CABP1: variants seen among roughly 807,000 people sequenced by gnomAD.
CABP1 encodes the protein calcium binding protein 1.
A neutral mutation model predicts 34.3 loss-of-function variants in CABP1; 17 were observed. The observed-to-expected ratio is 0.50, with a 90% CI of 0.34 to 0.74. CABP1 has a LOEUF of 0.74. Among genes scored for constraint, CABP1 ranks in the 30% least tolerant of loss-of-function variants. The probability of loss-of-function intolerance (pLI) is 0.01; values close to 1 mark genes in which losing one functional copy is unlikely to be tolerated. For missense variants in CABP1, 373 were observed against 511.1 expected (o/e 0.73, Z 2.61); for synonymous variants, 198 against 229.2 (o/e 0.86, Z 1.23).
At chr12:120,657,818 C>T (rs1880337573) in intron 1 of CABP1, among the ~76,000 whole-genome samples, 1 of 152,168 alleles carries the variant, frequency 6.6e-6, no homozygotes, top group Non-Finnish European at 1.5e-5. Flanking sequence ...GCCTGTTCCT[C>T]CCGAGTCCTG....
At position 120,659,432 on chromosome 12, in the gene CABP1, T is replaced by A. The variant is rs77696527; in HGVS notation, c.655-446T>A. The A allele has an allele frequency of 9.3e-3, 1,474 of 157,720 alleles. 32 individuals are homozygous for A. The highest frequency in any genetic ancestry group is 0.033 in the African/African-American group (1,368 of 41,606). The allele number at this position is 157,720 out of a possible 1,614,324, so 9.8% of individuals were successfully genotyped here. A position where few individuals can be genotyped will look rare whatever the true frequency, so the allele number is the denominator to read the frequency against. On this transcript the variant is annotated intron_variant, in intron 1 of 5. Coordinates refer to ENST00000316803, the MANE Select transcript of CABP1 (RefSeq NM_001033677.2). ...TTTCCCTGTTGTGACCTCCCTGGAC[T>A]CTGTTTTATTTGCAGGTTTTTGCCA...
At chr12:120,670,623 C>T (rs372588292), downstream of CABP1, among the ~76,000 whole-genome samples, 14 of 152,290 alleles carry the variant, frequency 9.2e-5, no homozygotes, top group East Asian at 2.7e-3. Context: ...CAGTTCATGC[C>T]TGTAATCCCA....
chr12:120,659,810 C>G (rs1880508792), intron 1 of CABP1, 68 bp from the exon 2 acceptor site: 1 of 1,519,790 alleles, frequency 6.6e-7, no homozygotes, highest in Admixed American at 1.7e-5. Flanking sequence ...TGGATGGCCC[C>G]CAGGTTAGGT....
At chr12:120,671,036 A>C (rs1365574881), downstream of CABP1, among the ~76,000 whole-genome samples, 1 of 152,156 alleles carries the variant, frequency 6.6e-6, no homozygotes, top group East Asian at 1.9e-4. Flanking sequence ...GGTACATAAA[A>C]GGCACCCGAT....
At position 120,660,668 on chromosome 12, in the gene CABP1, T is replaced by C. The variant is rs1880568054; in HGVS notation, c.830-63T>C. ...AGGAGGGGTTGTCCATTCTGTCAGT[T>C]GTCTAGTTGGAGACAGGGAATGGGT... On this transcript the variant is annotated intron_variant, in intron 3 of 5. Transcript: ENST00000316803. The surrounding 1 kb of genome is among the most constrained non-coding windows in gnomAD (Gnocchi z 5.0). 9.0e-7 allele frequency: 1 copy of C among 1,111,628 alleles called. No homozygotes were observed. The allele number at this position is 1,111,628 out of a possible 1,614,324, so 68.9% of individuals were successfully genotyped here. A position where few individuals can be genotyped will look rare whatever the true frequency, so the allele number is the denominator to read the frequency against.
chr12:120,666,390 C>T (rs1419963385), intron 5 of CABP1, among the ~76,000 whole-genome samples: 2 of 147,954 alleles, frequency 1.4e-5, no homozygotes, highest in Admixed American at 1.4e-4. Flanking sequence ...AGGAGAATCG[C>T]TTGAACCCAG....
In CABP1 at chr12:120,641,247, CG is replaced by C. The variant is rs1380312744; in HGVS notation, c.566del (p.Gly189AlafsTer87). Reference protein sequence around the residue: ...ALGLRGSLRARGRGDSVPAAA... With the variant: ...ALGLRGSLRAXGRGDSVPAAA... ...CGGCCTCCGGGGCTCTCTGCGAGCCCGGGGCCGCGGGGACTCCGTTCCAGCC... is the reference window on the plus strand; with the variant it reads ...CGGCCTCCGGGGCTCTCTGCGAGCCCGGGCCGCGGGGACTCCGTTCCAGCC... On this transcript the variant is annotated frameshift_variant, in exon 1 of 6. Transcript: ENST00000316803. LOFTEE classifies it high-confidence loss of function. The surrounding 1 kb of genome is among the most constrained non-coding windows in gnomAD (Gnocchi z 6.7). The C allele has an allele frequency of 4.7e-6, 6 of 1,287,432 alleles. No homozygotes were observed. In the South Asian group the frequency reaches 7.5e-5, roughly 16 times the overall value. The allele number at this position is 1,287,432 out of a possible 1,614,324, so 79.8% of individuals were successfully genotyped here.
intron 1 of CABP1, among the ~76,000 whole-genome samples, chr12:120,654,090 G>C (rs1294473633): frequency 6.6e-6 from 1 of 152,220 alleles, no homozygotes; most frequent in Non-Finnish European, 1.5e-5. Context: ...AAGTCTGAGT[G>C]AGTGAAGCCG....
intron 1 of CABP1, among the ~76,000 whole-genome samples, chr12:120,657,762 T>C (rs1260547782): frequency 1.3e-5 from 2 of 152,134 alleles, no homozygotes; most frequent in African/African-American, 4.8e-5. Flanking sequence ...CCCCGGGGCT[T>C]TGGGTGTACA....
Position 120,640,783 on chromosome 12 carries a change from T to G in CABP1, c.98T>G (p.Leu33Arg). The G allele has an allele frequency of 1.8e-6, 2 of 1,129,176 alleles. No homozygotes were observed. The allele number at this position is 1,129,176 out of a possible 1,614,324, so 69.9% of individuals were successfully genotyped here. A position where few individuals can be genotyped will look rare whatever the true frequency, so the allele number is the denominator to read the frequency against. The change falls in exon 1 of 6, where the codon CTG becomes CGG. Residue 33 changes from leucine (L) to arginine (R), a missense_variant. By Grantham distance (102) the Leu-to-Arg change is moderately radical. Coordinates refer to ENST00000316803, the MANE Select transcript of CABP1 (RefSeq NM_001033677.2). The surrounding 1 kb of genome is among the most constrained non-coding windows in gnomAD (Gnocchi z 6.2). Reference protein sequence around the residue: ...GLGSRREPRSLPAGGPAPRRT... With the variant: ...GLGSRREPRSRPAGGPAPRRT... ...GGCTCCCGCCGGGAGCCCCGTTCTC[T>G]GCCCGCCGGGGGCCCCGCGCCGCGC... is the stretch of plus-strand genomic sequence containing the variant.
Position 120,656,080 on chromosome 12 carries a change from G to A in CABP1, c.655-3798G>A, listed in dbSNP as rs368608595. ...CCTGCCTCTCTTTTGCATTTGCTTGGTGCTGGCTGAAGATGTGCCAGGAGG... is the reference window on the plus strand; with the variant it reads ...CCTGCCTCTCTTTTGCATTTGCTTGATGCTGGCTGAAGATGTGCCAGGAGG... On this transcript the variant is annotated intron_variant, in intron 1 of 5. Coordinates refer to ENST00000316803, the MANE Select transcript of CABP1 (RefSeq NM_001033677.2). The A allele has an allele frequency of 8.1e-6, 13 of 1,614,144 alleles. No individual in the cohort carries two copies. In the African/African-American group the frequency reaches 1.3e-4, roughly 17 times the overall value.
At chr12:120,674,021 TA>T in the CABP1 span, among the ~76,000 whole-genome samples, 1 of 152,130 alleles carries the variant, frequency 6.6e-6, no homozygotes, top group Non-Finnish European at 1.5e-5. Context: ...ATCTCTATTT[TA>T]AAAAATTAAA....
At chr12:120,650,577 A>C in intron 1 of CABP1, 1 of 1,612,544 alleles carries the variant, frequency 6.2e-7, no homozygotes, top group Non-Finnish European at 8.5e-7. Context: ...GAAGTCCCTC[A>C]GTCCCCCAGG....
At chr12:120,667,363 A>T (rs1297750212), downstream of CABP1, 1 of 185,328 alleles carries the variant, frequency 5.4e-6, no homozygotes, top group African/African-American at 2.4e-5. Context: ...GCCTGGTTAG[A>T]TGACCCTCAC....
chr12:120,659,615 G>GCTC (rs968130428), intron 1 of CABP1: 1 of 438,324 alleles, frequency 2.3e-6, no homozygotes, highest in Non-Finnish European at 4.1e-6. Flanking sequence ...GGAACAAGGG[G>GCTC]CTGGAGGCAC....
intron 1 of CABP1, among the ~76,000 whole-genome samples, chr12:120,654,899 C>A (rs1395104952): frequency 6.6e-6 from 1 of 152,172 alleles, no homozygotes; most frequent in Admixed American, 6.5e-5. Flanking sequence ...ATTAGGTAAG[C>A]AGAGAAGGGC....
intron 1 of CABP1, among the ~76,000 whole-genome samples, chr12:120,657,419 G>A (rs1778609176): frequency 6.6e-6 from 1 of 152,190 alleles, no homozygotes. Context: ...TACAGATGAG[G>A]AGACTGTGGC....
chr12:120,672,554 C>G, the CABP1 span, among the ~76,000 whole-genome samples: 1 of 149,076 alleles, frequency 6.7e-6, no homozygotes, highest in African/African-American at 2.5e-5. Flanking sequence ...ATTGCTTGAA[C>G]CCAGGAGGCG....
At chr12:120,667,646 G>A (rs376016296), downstream of CABP1, among the ~76,000 whole-genome samples, 37 of 152,108 alleles carry the variant, frequency 2.4e-4, no homozygotes, top group East Asian at 1.6e-3. Context: ...CCGCCACCAC[G>A]CCTGGCTAAT....
Sources: gnomAD v4.1 joint callset for allele counts (sites outside exome capture counted in the v4.1 genomes callset) on GRCh38, gnomAD v4.1.1 for gene constraint, Gnocchi (gnomAD v3.1) non-coding constraint, MANE v1.5 for transcripts, NCBI Gene and HGNC (gene_info 2026-07-23, HGNC 2026-07-21) for gene names.